STARD13: variants seen among roughly 807,000 people sequenced by gnomAD.
STARD13 encodes the protein StAR related lipid transfer domain containing 13.
Under a neutral mutation model 106.4 loss-of-function variants are expected in STARD13, and 62 were observed. The ratio of observed to expected loss-of-function variants is 0.58; its 90% CI spans 0.48 to 0.72. The LOEUF is 0.72. Ranked by LOEUF, STARD13 falls within the 30% of genes least tolerant of loss-of-function variation. The pLI is 0.00. For synonymous variants in STARD13, 565 were observed against 553.0 expected (o/e 1.02, Z -0.31); for missense variants, 1,387 against 1,424.0 (o/e 0.97, Z 0.42).
At chr13:33,411,118 T>C in the STARD13 span, among the ~76,000 whole-genome samples, 1 of 152,332 alleles carries the variant, frequency 6.6e-6, no homozygotes, top group East Asian at 1.9e-4. Flanking sequence ...TTCAAAATAT[T>C]GGGACATAGC....
chr13:33,539,314 TTAAGA>T, the STARD13 span, among the ~76,000 whole-genome samples: 1 of 152,204 alleles, frequency 6.6e-6, no homozygotes, highest in Non-Finnish European at 1.5e-5. Flanking sequence ...CTCAGTATTT[TTAAGA>T]TGTCAGTTCT....
In STARD13 at chr13:33,262,177, C is replaced by T. The variant is rs367873985; in HGVS notation, c.169+23293G>A. On this transcript the variant is annotated intron_variant, in intron 1 of 13. Transcript: ENST00000336934. ...ACCTGAAGACTCATTTATCCAAGGCCGAATGAAGCCAGCTCTTGCACTGAC... is the reference window on the plus strand; with the variant it reads ...ACCTGAAGACTCATTTATCCAAGGCTGAATGAAGCCAGCTCTTGCACTGAC... Among the ~76,000 whole-genome samples the T allele has an allele frequency of 6.6e-5, 10 of 152,266 alleles. No homozygotes were observed. The East Asian group carries it at 1.5e-3, about 23-fold the overall frequency.
Position 33,350,460 on chromosome 13 carries a change from C to T in STARD13, c.-47G>A, listed in dbSNP as rs1040982255. 30 of 1,502,994 alleles carry T rather than the reference C, an allele frequency of 2.0e-5. No homozygotes were observed. In the African/African-American group the frequency reaches 2.7e-4, roughly 13 times the overall value. 93.1% of individuals were successfully genotyped at this position (1,502,994 alleles called of 1,614,324 possible). ...ACCGGCGGGCTCTCCACCGCCACTCCCGCGTGGCCCGCGACTCAGACTCCC... is the reference window on the plus strand; with the variant it reads ...ACCGGCGGGCTCTCCACCGCCACTCTCGCGTGGCCCGCGACTCAGACTCCC... On this transcript the variant is annotated 5_prime_UTR_variant, in exon 1 of 2. Coordinates refer to the STARD13 transcript ENST00000439831.
the STARD13 span, among the ~76,000 whole-genome samples, chr13:33,666,294 T>C: frequency 6.6e-6 from 1 of 152,144 alleles, no homozygotes; most frequent in African/African-American, 2.4e-5. Context: ...ATTTTTTTTG[T>C]TGTTTTTGGT....
intron 1 of STARD13, chr13:33,334,964 G>C (rs1367017396): frequency 6.6e-6 from 1 of 150,938 alleles, no homozygotes; most frequent in Non-Finnish European, 1.5e-5. Context: ...CGTGAGGTTT[G>C]GGTGTCACTG....
intron 3 of STARD13, among the ~76,000 whole-genome samples, chr13:33,146,712 A>G (rs1180059055): frequency 6.6e-6 from 1 of 152,246 alleles, no homozygotes; most frequent in Non-Finnish European, 1.5e-5. Context: ...AGATATTGTC[A>G]AAATCAACTT....
At chr13:33,542,432 T>C in the STARD13 span, among the ~76,000 whole-genome samples, 1 of 152,204 alleles carries the variant, frequency 6.6e-6, no homozygotes, top group Non-Finnish European at 1.5e-5. Context: ...GTGGGCGGGA[T>C]TTAAAACAAA....
chr13:33,458,538 G>A, the STARD13 span, among the ~76,000 whole-genome samples: 2 of 152,080 alleles, frequency 1.3e-5, no homozygotes, highest in South Asian at 4.1e-4. Flanking sequence ...CTCACTAGGT[G>A]CTTCTTCTTA....
chr13:33,367,568 C>A, the STARD13 span, among the ~76,000 whole-genome samples: 1 of 152,024 alleles, frequency 6.6e-6, no homozygotes, highest in East Asian at 1.9e-4. Flanking sequence ...TGTATTAGAA[C>A]CCCCAGCAGT....
At chr13:33,241,652 T>G (rs1889508311) in intron 1 of STARD13, among the ~76,000 whole-genome samples, 1 of 146,996 alleles carries the variant, frequency 6.8e-6, no homozygotes, top group South Asian at 2.3e-4. Flanking sequence ...CTGATTCTCC[T>G]GCCTCAGCCT....
chr13:33,499,562 T>C, the STARD13 span, among the ~76,000 whole-genome samples: 4 of 62,768 alleles, frequency 6.4e-5, no homozygotes, highest in Non-Finnish European at 9.9e-5. Context: ...CTTCTTCTTC[T>C]TCTTCTTCTT....
chr13:33,633,581 T>C, the STARD13 span, among the ~76,000 whole-genome samples: 2 of 152,234 alleles, frequency 1.3e-5, no homozygotes, highest in Non-Finnish European at 2.9e-5. Flanking sequence ...TTGGCATAAC[T>C]TTTAAAATGT....
chr13:33,407,723 G>A, the STARD13 span, among the ~76,000 whole-genome samples: 2 of 152,196 alleles, frequency 1.3e-5, no homozygotes, highest in African/African-American at 4.8e-5. Flanking sequence ...ACAGCCAGGA[G>A]CTGCTTAGAA....
the STARD13 span, among the ~76,000 whole-genome samples, chr13:33,482,242 T>C: frequency 2.0e-5 from 3 of 152,210 alleles, no homozygotes; most frequent in Non-Finnish European, 2.9e-5. Flanking sequence ...TCAGTAACTA[T>C]GGCAGCTAGA....
chr13:33,609,291 C>T, the STARD13 span, among the ~76,000 whole-genome samples: 2 of 151,966 alleles, frequency 1.3e-5, no homozygotes, highest in East Asian at 1.9e-4. Context: ...TATGTAAATA[C>T]GCAGCTTAAG....
intron 3 of STARD13, among the ~76,000 whole-genome samples, chr13:33,150,998 A>G (rs1490132432): frequency 6.6e-6 from 1 of 152,202 alleles, no homozygotes; most frequent in Non-Finnish European, 1.5e-5. Context: ...CCCATGTGGG[A>G]TAGAAACATG....
intron 1 of STARD13, among the ~76,000 whole-genome samples, chr13:33,304,520 A>G (rs898998463): frequency 7.2e-5 from 11 of 152,200 alleles, no homozygotes; most frequent in African/African-American, 2.7e-4. Flanking sequence ...TTCCCCGTGG[A>G]CATACAGATA....
At chr13:33,453,974 C>T in the STARD13 span, among the ~76,000 whole-genome samples, 19 of 152,140 alleles carry the variant, frequency 1.2e-4, no homozygotes, top group African/African-American at 4.3e-4. Context: ...ACAAGCTAAA[C>T]AGACAGTCCT....
At chr13:33,626,648 T>C in the STARD13 span, among the ~76,000 whole-genome samples, 1 of 152,254 alleles carries the variant, frequency 6.6e-6, no homozygotes, top group African/African-American at 2.4e-5. Context: ...TGGGATTATA[T>C]AATCTTTACC....
Sources: gnomAD v4.1 joint callset for allele counts (sites outside exome capture counted in the v4.1 genomes callset) on GRCh38, gnomAD v4.1.1 for gene constraint, MANE v1.5 for transcripts, NCBI Gene and HGNC (gene_info 2026-07-23, HGNC 2026-07-21) for gene names.